The following ITGAV variants were observed in gnomAD, a reference collection of about 807,000 sequenced individuals.
ITGAV encodes the protein integrin subunit alpha V.
A neutral mutation model predicts 143.8 loss-of-function variants in ITGAV; 76 were observed. The observed-to-expected ratio is 0.53, with a 90% CI of 0.44 to 0.64. The LOEUF is 0.64. ITGAV is among the 30% of genes least tolerant of loss of function. ITGAV has a pLI of 0.00. For missense variants in ITGAV, 1,193 were observed against 1,274.7 expected (o/e 0.94, Z 0.98); for synonymous variants, 453 against 446.7 (o/e 1.01, Z -0.18).
intron 17 of ITGAV, among the ~76,000 whole-genome samples, chr2:186,657,614 T>G (rs920793772): frequency 6.6e-6 from 1 of 152,168 alleles, no homozygotes; most frequent in Non-Finnish European, 1.5e-5. Flanking sequence ...TAAATGCTAT[T>G]TAATTTAAAT....
rs1168956293 is a variant in ITGAV, at chr2:186,590,123, T to TGTCCC, written c.-215_-211dup. The TGTCCC allele has an allele frequency of 1.2e-5, 5 of 426,618 alleles. No homozygotes were observed. The highest frequency in any genetic ancestry group is 2.0e-5 in the Non-Finnish European group (5 of 247,240). 26.4% of individuals were successfully genotyped at this position (426,618 alleles called of 1,614,324 possible). A position where few individuals can be genotyped will look rare whatever the true frequency, so the allele number is the denominator to read the frequency against. On this transcript the variant is annotated 5_prime_UTR_variant, in exon 1 of 30. Coordinates refer to ENST00000261023, the MANE Select transcript of ITGAV (RefSeq NM_002210.5). ...GGAAGCAAAGGACCGTCTGCGCTGC[T>TGTCCC]GTCCCCGCCCCGCGCGCTCTGCGCC...
chr2:186,650,646 A>G (rs754540188), intron 14 of ITGAV, among the ~76,000 whole-genome samples: 37 of 151,144 alleles, frequency 2.4e-4, no homozygotes, highest in Middle Eastern at 3.4e-3. Flanking sequence ...CCCAGGTCCT[A>G]GTGATTCTCG....
chr2:186,601,028 G>A (rs372131070), intron 1 of ITGAV, among the ~76,000 whole-genome samples: 4 of 150,898 alleles, frequency 2.7e-5, no homozygotes, highest in South Asian at 4.2e-4. Context: ...TTAGGACCTT[G>A]CTTTATGTAG....
intron 21 of ITGAV, among the ~76,000 whole-genome samples, chr2:186,666,417 T>C (rs1188557699): frequency 1.3e-5 from 2 of 152,224 alleles, no homozygotes; most frequent in African/African-American, 4.8e-5. Context: ...AGACTTTCAC[T>C]GGATCAACAA....
At position 186,603,201 on chromosome 2, in the gene ITGAV, C is replaced by T. The variant is rs199853055; in HGVS notation, c.316+1050C>T. 3.3e-5 allele frequency among the ~76,000 whole-genome samples: 5 copies of T among 152,286 alleles called. No individual in the cohort carries two copies. In the East Asian group the frequency reaches 9.6e-4, roughly 29 times the overall value. ...TGTGACATTCTTCTAGTACAATAGT[C>T]TTACAAAATTTTTTATTGATTCTGA... On this transcript the variant is annotated intron_variant, in intron 2 of 29. Transcript: ENST00000261023.
intron 3 of ITGAV, among the ~76,000 whole-genome samples, chr2:186,625,108 G>C (rs954383769): frequency 2.0e-5 from 3 of 152,158 alleles, no homozygotes; most frequent in Non-Finnish European, 4.4e-5. Context: ...GGTGTGGTAG[G>C]TATGGTGGCT....
intron 1 of ITGAV, chr2:186,600,123 C>T: frequency 2.0e-6 from 1 of 500,808 alleles, no homozygotes; most frequent in East Asian, 3.2e-5. Context: ...GCCAAAAGGC[C>T]CTATTTGACT....
Position 186,609,362 on chromosome 2 carries a change from T to C in ITGAV, c.316+7211T>C, listed in dbSNP as rs543709365. Among the ~76,000 whole-genome samples the C allele has an allele frequency of 2.0e-5, 3 of 152,298 alleles. No homozygotes were observed. The South Asian group carries it at 6.2e-4, about 32-fold the overall frequency. On this transcript the variant is annotated intron_variant, in intron 2 of 29. Coordinates refer to ENST00000261023, the MANE Select transcript of ITGAV (RefSeq NM_002210.5). ...CATTAAGACATACACTAGTAGCTAA[T>C]TAAGAAAATCTGGATTTTGCTTTTA...
chr2:186,668,528 T>C (rs915042915), intron 24 of ITGAV: 1 of 389,372 alleles, frequency 2.6e-6, no homozygotes, highest in South Asian at 2.5e-5. Flanking sequence ...CATGAGCCAC[T>C]GTGCCCAACC....
At chr2:186,643,295 T>G (rs1389939160) in intron 12 of ITGAV, among the ~76,000 whole-genome samples, 1 of 152,166 alleles carries the variant, frequency 6.6e-6, no homozygotes, top group Non-Finnish European at 1.5e-5. Context: ...ATGTGAAGTT[T>G]TACAATGATT....
intron 12 of ITGAV, among the ~76,000 whole-genome samples, chr2:186,646,331 G>C (rs1688256026): frequency 6.6e-6 from 1 of 152,064 alleles, no homozygotes; most frequent in Non-Finnish European, 1.5e-5. Context: ...CCTACCCCTA[G>C]TTTTAATGAG....
At chr2:186,646,604 C>G in intron 12 of ITGAV, 82 bp from the exon 13 acceptor site, 1 of 1,004,432 alleles carries the variant, frequency 1.0e-6, no homozygotes, top group Non-Finnish European at 1.5e-6. Flanking sequence ...CCCCTTCTCT[C>G]GTTCCTTCCT....
Position 186,667,691 on chromosome 2 carries a change from T to C in ITGAV, c.2348T>C (p.Val783Ala), listed in dbSNP as rs200258394. The change falls in exon 24 of 30, where the codon GTC (valine) becomes GCC (alanine). Residue 783 changes from valine (V) to alanine (A), a missense_variant. Transcript: ENST00000261023. ...EIRGVSSPDHVFLPIPNWEHK... is the reference protein window; with the variant it reads ...EIRGVSSPDHAFLPIPNWEHK... ...TTTAGAGTCTCGAGTCCTGATCATGTCTTTCTTCCGATTCCAAACTGGGAG... is the reference window on the plus strand; with the variant it reads ...TTTAGAGTCTCGAGTCCTGATCATGCCTTTCTTCCGATTCCAAACTGGGAG... The C allele has an allele frequency of 4.8e-5, 77 of 1,608,142 alleles. No individual in the cohort carries two copies. Among genetic ancestry groups the C allele is most frequent in the Admixed American group, 1.7e-4 (10 of 59,970 alleles).
At chr2:186,670,041 C>A (rs1385801810) in intron 26 of ITGAV, 12 of 466,170 alleles carry the variant, frequency 2.6e-5, no homozygotes, top group Non-Finnish European at 4.2e-5. Flanking sequence ...TATGTCCCAA[C>A]TTTGATTCTC....
chr2:186,675,727 C>T lies in ITGAV; in HGVS notation c.2820+10C>T, dbSNP rs778085856. On this transcript the variant is annotated intron_variant, in intron 27 of 29. Transcript: ENST00000261023. ...TGAGACTTTTATGAATGTAAGTAGA[C>T]AGGTGCAGCATTTAGCAAACATACC... The T allele has an allele frequency of 1.3e-6, 2 of 1,589,842 alleles. No individual in the cohort carries two copies. Among genetic ancestry groups the T allele is most frequent in the Non-Finnish European group, 1.7e-6 (2 of 1,157,978 alleles).
At chr2:186,665,082 T>C in intron 20 of ITGAV, 44 bp from the exon 21 acceptor site, 1 of 1,210,960 alleles carries the variant, frequency 8.3e-7, no homozygotes, top group Non-Finnish European at 1.2e-6. Context: ...GATACTTTAT[T>C]TCCTTTCATA....
At chr2:186,624,439 A>G (rs1335291393) in intron 3 of ITGAV, among the ~76,000 whole-genome samples, 1 of 152,166 alleles carries the variant, frequency 6.6e-6, no homozygotes, top group African/African-American at 2.4e-5. Flanking sequence ...TGTTCTAGGC[A>G]GAAGGAGGTG....
intron 2 of ITGAV, among the ~76,000 whole-genome samples, chr2:186,602,876 TAAA>T (rs11297809): frequency 3.1e-4 from 41 of 130,848 alleles, no homozygotes; most frequent in Admixed American, 3.8e-4. Context: ...GACTCCATCT[TAAA>T]AAAAAAAAAA....
Position 186,646,771 on chromosome 2 carries a change from A to T in ITGAV, c.1245A>T (p.Ala415=). The T allele has an allele frequency of 6.2e-7, 1 of 1,613,376 alleles. No individual in the cohort carries two copies. The highest frequency in any genetic ancestry group is 8.5e-7 in the Non-Finnish European group (1 of 1,179,526). ...ATGGAAGATCAACAGGCTTGAACGC[A>T]GTCCCATCTCAAATCCTTGAAGGGC... is the stretch of plus-strand genomic sequence containing the variant. ...IFNGRSTGLN[A]VPSQILEGQW... is the part of the protein sequence containing the mutation. Residue 415 remains alanine (A), a synonymous_variant, in exon 13 of 30, where the codon GCA becomes GCT. Transcript: ENST00000261023.
Sources: allele counts gnomAD v4.1 joint callset (sites outside exome capture counted in the v4.1 genomes callset), GRCh38; gene constraint gnomAD v4.1.1; transcripts MANE v1.5; gene names NCBI Gene and HGNC (gene_info 2026-07-23, HGNC 2026-07-21).